Variants in CTPS1 observed in about 807,000 individuals in gnomAD.
The protein encoded by CTPS1 is CTP synthetase 1.
In CTPS1, 25 loss-of-function variants were observed where a neutral mutation model predicts 80.5. The observed-to-expected ratio is 0.31, with a 90% CI of 0.23 to 0.43. The LOEUF (loss-of-function observed/expected upper bound fraction) is 0.43, where lower values mean the gene tolerates loss of function less well. CTPS1 is among the 20% of genes least tolerant of loss of function. The pLI is 1.00. For synonymous variants in CTPS1, 267 were observed against 252.5 expected (o/e 1.06, Z -0.54); for missense variants, 442 against 725.7 (o/e 0.61, Z 4.49).
intron 1 of CTPS1, chr1:40,981,265 C>T (rs900334010): frequency 1.3e-5 from 2 of 152,224 alleles, no homozygotes; most frequent in Non-Finnish European, 2.9e-5. Context: ...ATGAATGAGC[C>T]TCCCGCCTGA....
chr1:41,006,217 T>C (rs1643030342), intron 13 of CTPS1, 123 bp downstream of exon 13: 1 of 777,062 alleles, frequency 1.3e-6, no homozygotes, highest in Non-Finnish European at 2.1e-6. Context: ...AACCCTGAGG[T>C]TTTGGGCACT....
chr1:41,003,400 C>G (rs965829287), intron 12 of CTPS1, among the ~76,000 whole-genome samples: 1 of 152,168 alleles, frequency 6.6e-6, no homozygotes, highest in Admixed American at 6.5e-5. Context: ...TGCCTTCTGC[C>G]TCTGTGTTCC....
In CTPS1 at chr1:41,011,667, T is replaced by G. The variant is rs1643176444; in HGVS notation, c.*19T>G. 1 of 152,232 alleles carries G rather than the reference T, an allele frequency of 6.6e-6. No individual in the cohort carries two copies. The highest frequency in any genetic ancestry group is 2.4e-5 in the African/African-American group (1 of 41,452). The allele number at this position is 152,232 out of a possible 1,614,324, so 9.4% of individuals were successfully genotyped here. A position where few individuals can be genotyped will look rare whatever the true frequency, so the allele number is the denominator to read the frequency against. On this transcript the variant is annotated 3_prime_UTR_variant, in exon 19 of 19. Coordinates refer to ENST00000650070, the MANE Select transcript of CTPS1 (RefSeq NM_001905.4). ...TTTTTCTTTTAAACAGGGATGATTC[T>G]TCAAGAGACCCTTCAAACTTGGGTA...
chr1:40,998,124 C>T (rs1345199416), intron 9 of CTPS1, among the ~76,000 whole-genome samples: 2 of 152,218 alleles, frequency 1.3e-5, no homozygotes, highest in South Asian at 2.1e-4. Flanking sequence ...CGTGGCTAGG[C>T]GCGTTGGCTC....
At chr1:40,998,114 C>T (rs545223958) in intron 9 of CTPS1, among the ~76,000 whole-genome samples, 6 of 152,136 alleles carry the variant, frequency 3.9e-5, no homozygotes, top group African/African-American at 1.2e-4. Context: ...GCATGGATGC[C>T]GTGGCTAGGC....
At chr1:40,983,104 A>G in intron 1 of CTPS1, 174 bp from the exon 2 acceptor site, 1 of 505,164 alleles carries the variant, frequency 2.0e-6, no homozygotes, top group South Asian at 3.6e-5. Context: ...GATCCAAGAA[A>G]TGTTTGTTTT....
intron 4 of CTPS1, 130 bp from the exon 5 acceptor site, chr1:40,988,464 T>C: frequency 1.5e-6 from 1 of 659,840 alleles, no homozygotes; most frequent in South Asian, 1.9e-5. Flanking sequence ...TAACTAACAT[T>C]ATACAGGGTT....
intron 17 of CTPS1, among the ~76,000 whole-genome samples, 156 bp downstream of exon 17, chr1:41,009,745 C>T (rs915825310): frequency 2.6e-5 from 4 of 152,236 alleles, no homozygotes; most frequent in Non-Finnish European, 5.9e-5. Flanking sequence ...AGCTTTCTCA[C>T]GGTGTTTCCC....
chr1:41,006,825 A>T (rs1053173141), intron 13 of CTPS1, among the ~76,000 whole-genome samples: 1 of 152,204 alleles, frequency 6.6e-6, no homozygotes, highest in Non-Finnish European at 1.5e-5. Context: ...ATCTCACGGC[A>T]CTTAGACAGC....
At chr1:40,989,970 A>G (rs1329313159) in intron 5 of CTPS1, among the ~76,000 whole-genome samples, 1 of 152,212 alleles carries the variant, frequency 6.6e-6, no homozygotes, top group Non-Finnish European at 1.5e-5. Flanking sequence ...CAGAAGTTCT[A>G]ATGTCCAAAT....
rs776113998 is a variant in CTPS1, at chr1:41,007,488, G to A, written c.1336G>A (p.Gly446Arg). The change falls in exon 14 of 19, where the codon GGA becomes AGA. Residue 446 changes from glycine to arginine, a missense_variant. Transcript: ENST00000650070. This position sits in a 1 kb window ranked among gnomAD's most constrained non-coding sequence, Gnocchi z 4.4. ...AGAACACAACCCAGGGCAGATGGGC[G>A]GAACCATGAGGCTGGGCAAGAGGAG... ...MPEHNPGQMG[G>R]TMRLGKRRTL... is the part of the protein sequence containing the mutation. 6 of 1,614,116 alleles carry A rather than the reference G, an allele frequency of 3.7e-6. No homozygotes were observed. The highest frequency in any genetic ancestry group is 5.1e-6 in the Non-Finnish European group (6 of 1,180,032).
At chr1:40,995,690 T>C (rs1419459047) in intron 7 of CTPS1, among the ~76,000 whole-genome samples, 1 of 152,222 alleles carries the variant, frequency 6.6e-6, no homozygotes, top group Non-Finnish European at 1.5e-5. Flanking sequence ...TAAGCCACCT[T>C]GCCCAGCCAT....
chr1:41,007,684 T>TTGGCATGAA lies in CTPS1; in HGVS notation c.1393+140_1393+141insGGCATGAAT, dbSNP rs1491553455. Reference sequence around the variant, plus strand: ...CTTTTGAAGTTCATTCTTTCCTCTCTTATTCATACCCTTTTAGGATGCACT... The same window carrying TTGGCATGAA: ...CTTTTGAAGTTCATTCTTTCCTCTCTTGGCATGAATATTCATACCCTTTTAGGATGCACT... On this transcript the variant is annotated intron_variant, in intron 14 of 18. Coordinates refer to ENST00000650070, the MANE Select transcript of CTPS1 (RefSeq NM_001905.4). The surrounding 1 kb of genome is among the most constrained non-coding windows in gnomAD (Gnocchi z 4.4). The TTGGCATGAA allele has an allele frequency of 1.5e-5, 10 of 670,878 alleles. No homozygotes were observed. Among genetic ancestry groups the TTGGCATGAA allele is most frequent in the Non-Finnish European group, 2.3e-5 (9 of 383,834 alleles). The allele number at this position is 670,878 out of a possible 1,614,324, so 41.6% of individuals were successfully genotyped here. A position where few individuals can be genotyped will look rare whatever the true frequency, so the allele number is the denominator to read the frequency against.
chr1:40,982,397 TTTC>T (rs1401803671), intron 1 of CTPS1, among the ~76,000 whole-genome samples: 1 of 150,062 alleles, frequency 6.7e-6, no homozygotes, highest in African/African-American at 2.4e-5. Context: ...AGAACTACTT[TTTC>T]TTTTTTTTTG....
chr1:40,987,764 A>G (rs1298967925), intron 4 of CTPS1, among the ~76,000 whole-genome samples: 1 of 152,144 alleles, frequency 6.6e-6, no homozygotes, highest in Non-Finnish European at 1.5e-5. Flanking sequence ...AAGTCAGCAG[A>G]TCTTTTGCTT....
chr1:41,007,266 C>T lies in CTPS1; in HGVS notation c.1297-183C>T, dbSNP rs1643056652. Among the ~76,000 whole-genome samples, 1 of 152,198 alleles carries T rather than the reference C, an allele frequency of 6.6e-6. No homozygotes were observed. The highest frequency in any genetic ancestry group is 6.5e-5 in the Admixed American group (1 of 15,280). ...GAGGACAGGCTGAAGGACGGAGCCT[C>T]CACCCAACCGAGGTTACAAATGCCA... On this transcript the variant is annotated intron_variant, in intron 13 of 18. Coordinates refer to ENST00000650070, the MANE Select transcript of CTPS1 (RefSeq NM_001905.4). The surrounding 1 kb of genome is among the most constrained non-coding windows in gnomAD (Gnocchi z 4.4).
intron 2 of CTPS1, 131 bp downstream of exon 2, chr1:40,983,587 C>T: frequency 1.7e-6 from 1 of 589,904 alleles, no homozygotes; most frequent in South Asian, 3.0e-5. Flanking sequence ...CAGAATGATA[C>T]TTTTCTCACC....
chr1:40,981,062 C>G (rs1400720318), intron 1 of CTPS1: 2 of 152,302 alleles, frequency 1.3e-5, no homozygotes, highest in African/African-American at 4.8e-5. Flanking sequence ...AGCGTCTGCT[C>G]TCATCGTCCC....
chr1:40,982,104 C>A, intron 1 of CTPS1: 1 of 791,312 alleles, frequency 1.3e-6, no homozygotes. Flanking sequence ...AGTGATAAAT[C>A]CTCCGTGGTG....
Sources: allele counts gnomAD v4.1 joint callset (sites outside exome capture counted in the v4.1 genomes callset), GRCh38; gene constraint gnomAD v4.1.1; non-coding constraint Gnocchi (gnomAD v3.1); transcripts MANE v1.5; gene names NCBI Gene and HGNC (gene_info 2026-07-23, HGNC 2026-07-21).